FAM135B: variants seen among roughly 807,000 people sequenced by gnomAD.
The protein encoded by FAM135B is protein FAM135B.
Under a neutral mutation model 127.7 loss-of-function variants are expected in FAM135B, and 43 were observed. The observed-to-expected ratio is 0.34, with a 90% CI of 0.26 to 0.43. The LOEUF (loss-of-function observed/expected upper bound fraction) is 0.43. Ranked by LOEUF, FAM135B falls within the 20% of genes least tolerant of loss-of-function variation. The probability of loss-of-function intolerance (pLI) is 1.00; values close to 1 mark genes in which losing one functional copy is unlikely to be tolerated. For synonymous variants in FAM135B, 670 were observed against 665.1 expected, an observed-to-expected ratio of 1.01 and a Z score of -0.11; for missense variants, 1,558 against 1,725.6, an observed-to-expected ratio of 0.90 and a Z score of 1.72.
chr8:138,349,080 T>A (rs1323900951), intron 2 of FAM135B, among the ~76,000 whole-genome samples: 1 of 152,204 alleles, frequency 6.6e-6, no homozygotes, highest in Non-Finnish European at 1.5e-5. Flanking sequence ...CTCATTGCAG[T>A]TTGCCTGGGA....
At chr8:138,231,414 G>T (rs1363263324) in intron 7 of FAM135B, among the ~76,000 whole-genome samples, 1 of 152,146 alleles carries the variant, frequency 6.6e-6, no homozygotes, top group Non-Finnish European at 1.5e-5. Context: ...TCACACCTGA[G>T]GGGTTTAACA....
intron 1 of FAM135B, among the ~76,000 whole-genome samples, chr8:138,488,590 G>A (rs1232786327): frequency 6.6e-6 from 1 of 152,124 alleles, no homozygotes; most frequent in Non-Finnish European, 1.5e-5. Context: ...GACACAAAAG[G>A]AAAAATCCCT....
At chr8:138,397,457 G>A (rs1832914465) in intron 1 of FAM135B, among the ~76,000 whole-genome samples, 1 of 152,130 alleles carries the variant, frequency 6.6e-6, no homozygotes, top group Admixed American at 6.5e-5. Context: ...TGCGTTAAAT[G>A]CCAATACATT....
At chr8:138,221,873 C>G (rs1007792436) in intron 7 of FAM135B, among the ~76,000 whole-genome samples, 1 of 152,108 alleles carries the variant, frequency 6.6e-6, no homozygotes, top group Non-Finnish European at 1.5e-5. Flanking sequence ...GCGCACACAC[C>G]CACACATATC....
At chr8:138,338,450 G>C (rs1828783469) in intron 2 of FAM135B, among the ~76,000 whole-genome samples, 1 of 151,896 alleles carries the variant, frequency 6.6e-6, no homozygotes, top group African/African-American at 2.4e-5. Context: ...GTGGGCAAAG[G>C]ATATAAACAG....
At chr8:138,369,648 C>G (rs1401607) in intron 1 of FAM135B, among the ~76,000 whole-genome samples, 4,847 of 152,234 alleles carry the variant, frequency 0.032, 153 homozygotes, top group East Asian at 0.17. Context: ...GAGGTGCACC[C>G]TGGCCCTGCC....
At chr8:138,220,090 C>CACACACAT (rs60002623) in intron 7 of FAM135B, among the ~76,000 whole-genome samples, 1 of 151,754 alleles carries the variant, frequency 6.6e-6, no homozygotes, top group Non-Finnish European at 1.5e-5. Flanking sequence ...CACACACACA[C>CACACACAT]GTGCTCATGT....
intron 3 of FAM135B, among the ~76,000 whole-genome samples, chr8:138,289,244 G>A (rs1371863478): frequency 1.3e-5 from 2 of 152,176 alleles, no homozygotes; most frequent in African/African-American, 4.8e-5. Context: ...GTTTACAATT[G>A]CCATGTATGC....
At chr8:138,308,156 T>G (rs1826400979) in intron 3 of FAM135B, among the ~76,000 whole-genome samples, 1 of 151,470 alleles carries the variant, frequency 6.6e-6, no homozygotes, top group Non-Finnish European at 1.5e-5. Context: ...TCATTTTCTC[T>G]CTGAGGAACT....
At chr8:138,336,188 T>C (rs1828568719) in intron 2 of FAM135B, among the ~76,000 whole-genome samples, 1 of 151,650 alleles carries the variant, frequency 6.6e-6, no homozygotes, top group Non-Finnish European at 1.5e-5. Context: ...AACATCACAA[T>C]TAAAAGAACT....
intron 2 of FAM135B, among the ~76,000 whole-genome samples, chr8:138,313,296 T>G (rs1826833929): frequency 6.6e-6 from 1 of 152,214 alleles, no homozygotes; most frequent in South Asian, 2.1e-4. Context: ...CATTCCCAGC[T>G]AATTTTTTTA....
intron 3 of FAM135B, among the ~76,000 whole-genome samples, 187 bp downstream of exon 3, chr8:138,310,654 T>C (rs1388313744): frequency 6.6e-6 from 1 of 152,248 alleles, no homozygotes; most frequent in Non-Finnish European, 1.5e-5. Context: ...CAGGTTCCCC[T>C]TGCCACAATG....
intron 1 of FAM135B, among the ~76,000 whole-genome samples, chr8:138,396,158 A>C (rs1832841031): frequency 6.6e-6 from 1 of 152,168 alleles, no homozygotes; most frequent in Non-Finnish European, 1.5e-5. Flanking sequence ...GCTTCCCCTT[A>C]CTGGCTCTGT....
intron 1 of FAM135B, among the ~76,000 whole-genome samples, chr8:138,445,065 A>T (rs915826944): frequency 4.6e-5 from 7 of 152,302 alleles, no homozygotes; most frequent in Non-Finnish European, 1.0e-4. Context: ...GAAATGGATA[A>T]ATTCCTCGAC....
At chr8:138,390,926 T>C (rs1413498596) in intron 1 of FAM135B, among the ~76,000 whole-genome samples, 1 of 152,156 alleles carries the variant, frequency 6.6e-6, no homozygotes, top group Non-Finnish European at 1.5e-5. Flanking sequence ...AGGAAGCAAC[T>C]GTTTACCGTA....
intron 7 of FAM135B, among the ~76,000 whole-genome samples, chr8:138,224,639 T>C (rs1033673388): frequency 2.0e-5 from 3 of 152,192 alleles, no homozygotes; most frequent in African/African-American, 7.2e-5. Flanking sequence ...ACAACTATTA[T>C]CTGGTTAGCA....
chr8:138,380,817 C>G (rs1831805331), intron 1 of FAM135B, among the ~76,000 whole-genome samples: 1 of 128,644 alleles, frequency 7.8e-6, no homozygotes, highest in Non-Finnish European at 1.7e-5. Flanking sequence ...TTCTGAGACA[C>G]TGATGAATCT....
At chr8:138,434,988 T>C (rs1455430702) in intron 1 of FAM135B, among the ~76,000 whole-genome samples, 1 of 152,214 alleles carries the variant, frequency 6.6e-6, no homozygotes, top group Non-Finnish European at 1.5e-5. Flanking sequence ...ACAATGTACA[T>C]ATTTTCAATC....
rs1820840810 is a variant in FAM135B at position 138,242,163 on chromosome 8, C to T, written c.669+779G>A. Among the ~76,000 whole-genome samples, 1 of 118,356 alleles carries T rather than the reference C, an allele frequency of 8.4e-6. No homozygotes were observed. The highest frequency in any genetic ancestry group is 1.7e-5 in the Non-Finnish European group (1 of 57,164). The allele number at this position is 118,356 out of a possible 152,430, so 77.6% of individuals were successfully genotyped here. A position where few individuals can be genotyped will look rare whatever the true frequency, so the allele number is the denominator to read the frequency against. ...TGAGTCAATTACTTATGATAAATCT[C>T]TTTGTGTGTGTGTGTGTGTGTGTGT... On this transcript the variant is annotated intron_variant, in intron 7 of 19. Transcript: ENST00000395297. The surrounding 1 kb of genome is among the most constrained non-coding windows in gnomAD (Gnocchi z 9.6).
Sources: gnomAD v4.1 joint callset for allele counts (sites outside exome capture counted in the v4.1 genomes callset) on GRCh38, gnomAD v4.1.1 for gene constraint, Gnocchi (gnomAD v3.1) non-coding constraint, MANE v1.5 for transcripts, NCBI Gene and HGNC (gene_info 2026-07-23, HGNC 2026-07-21) for gene names.